The following ADK variants were observed in gnomAD, a reference collection of about 807,000 sequenced individuals.
ADK encodes the protein N6,N6-dimethyladenosine kinase.
Under a neutral mutation model 44.7 loss-of-function variants are expected in ADK, and 24 were observed. The observed-to-expected ratio is 0.54, with a 90% confidence interval of 0.39 to 0.76. The LOEUF is 0.76. Ranked by LOEUF, ADK falls within the 30% of genes least tolerant of loss-of-function variation. The pLI is 0.00. For synonymous variants in ADK, 128 were observed against 142.6 expected (o/e 0.90, Z 0.73); for missense variants, 321 against 425.1 (o/e 0.76, Z 2.15).
intron 9 of ADK, among the ~76,000 whole-genome samples, chr10:74,667,808 C>T (rs1417778328): frequency 6.6e-6 from 1 of 151,960 alleles, no homozygotes; most frequent in South Asian, 2.1e-4. Context: ...GCTAGGATTA[C>T]AGATGTGAGC....
intron 7 of ADK, among the ~76,000 whole-genome samples, chr10:74,540,263 G>A (rs1849581657): frequency 6.6e-6 from 1 of 152,072 alleles, no homozygotes; most frequent in South Asian, 2.1e-4. Context: ...GAAATAGTTT[G>A]AATTACTACG....
intron 4 of ADK, chr10:74,372,087 G>C: frequency 1.3e-6 from 1 of 753,614 alleles, no homozygotes; most frequent in Non-Finnish European, 2.4e-6. Flanking sequence ...AGGTTTGCGC[G>C]CGTGTGGCAC....
intron 4 of ADK, among the ~76,000 whole-genome samples, chr10:74,361,631 G>A (rs532805404): frequency 1.7e-4 from 26 of 152,080 alleles, no homozygotes; most frequent in East Asian, 5.8e-4. Context: ...TCTTTTAGTC[G>A]TCTTACTACA....
intron 3 of ADK, among the ~76,000 whole-genome samples, chr10:74,295,982 A>T (rs1839797142): frequency 6.6e-6 from 1 of 150,560 alleles, no homozygotes; most frequent in South Asian, 2.1e-4. Context: ...CATCAATTTT[A>T]TTAGCGTTTC....
intron 2 of ADK, 76 bp downstream of exon 2, chr10:74,200,914 A>G (rs905338782): frequency 1.0e-6 from 1 of 996,224 alleles, no homozygotes; most frequent in African/African-American, 1.6e-5. Context: ...TTAGAAGTGA[A>G]TTTACCACCG....
chr10:74,322,498 A>G (rs1476458861), intron 4 of ADK, among the ~76,000 whole-genome samples: 1 of 152,188 alleles, frequency 6.6e-6, no homozygotes, highest in Non-Finnish European at 1.5e-5. Context: ...TAAAGTTTAA[A>G]TATGAATTAA....
At chr10:74,292,655 T>A (rs972134172) in intron 3 of ADK, among the ~76,000 whole-genome samples, 6 of 152,216 alleles carry the variant, frequency 3.9e-5, no homozygotes, top group African/African-American at 1.2e-4. Flanking sequence ...GATAAAAACC[T>A]GAGACTCATT....
chr10:74,172,728 G>A (rs1842201789), intron 1 of ADK, among the ~76,000 whole-genome samples: 1 of 146,422 alleles, frequency 6.8e-6, no homozygotes, highest in Non-Finnish European at 1.5e-5. Flanking sequence ...ACGAGGTCAG[G>A]ATATCAAGAC....
At chr10:74,648,179 A>G (rs1424146649) in intron 9 of ADK, among the ~76,000 whole-genome samples, 1 of 152,152 alleles carries the variant, frequency 6.6e-6, no homozygotes, top group Non-Finnish European at 1.5e-5. Flanking sequence ...AAATTAAGAC[A>G]TTTCCAGATA....
chr10:74,695,549 A>G (rs1230175769), intron 10 of ADK, among the ~76,000 whole-genome samples: 2 of 150,568 alleles, frequency 1.3e-5, no homozygotes, highest in African/African-American at 4.9e-5. Context: ...TATATTCTAT[A>G]TACAAAGCTG....
At chr10:74,411,520 A>G (rs1390991215) in intron 6 of ADK, among the ~76,000 whole-genome samples, 2 of 152,260 alleles carry the variant, frequency 1.3e-5, no homozygotes, top group Non-Finnish European at 2.9e-5. Flanking sequence ...TTACATCTTT[A>G]AAAATAAACA....
intron 6 of ADK, among the ~76,000 whole-genome samples, chr10:74,427,346 C>T (rs1243378400): frequency 6.6e-6 from 1 of 151,974 alleles, no homozygotes; most frequent in Non-Finnish European, 1.5e-5. Context: ...CTATAGGTGC[C>T]CACCACCACG....
At chr10:74,333,648 A>G (rs1251038158) in intron 4 of ADK, among the ~76,000 whole-genome samples, 1 of 152,212 alleles carries the variant, frequency 6.6e-6, no homozygotes, top group African/African-American at 2.4e-5. Flanking sequence ...CTGAAAGGCA[A>G]CAGTAAGCTA....
chr10:74,544,525 A>G (rs1253927752), intron 7 of ADK, among the ~76,000 whole-genome samples: 1 of 152,216 alleles, frequency 6.6e-6, no homozygotes, highest in Non-Finnish European at 1.5e-5. Flanking sequence ...GTGCAGAATC[A>G]TGTGATATAA....
intron 9 of ADK, among the ~76,000 whole-genome samples, chr10:74,660,336 T>C (rs1462924037): frequency 6.6e-6 from 1 of 152,118 alleles, no homozygotes; most frequent in East Asian, 1.9e-4. Flanking sequence ...TTCGCCATGC[T>C]ACCCAGGCTG....
At chr10:74,571,473 A>T (rs1490484398) in intron 7 of ADK, among the ~76,000 whole-genome samples, 1 of 152,178 alleles carries the variant, frequency 6.6e-6, no homozygotes, top group East Asian at 1.9e-4. Context: ...AGAGCCTGTT[A>T]TTCGTCTATT....
At chr10:74,259,753 G>A (rs1319330041) in intron 3 of ADK, among the ~76,000 whole-genome samples, 1 of 151,858 alleles carries the variant, frequency 6.6e-6, no homozygotes, top group African/African-American at 2.4e-5. Context: ...CACCCTGCCC[G>A]GCCCATTTTT....
intron 4 of ADK, among the ~76,000 whole-genome samples, chr10:74,392,539 A>G (rs922030455): frequency 2.0e-5 from 3 of 152,102 alleles, no homozygotes; most frequent in Non-Finnish European, 4.4e-5. Context: ...GAAGTTTGTT[A>G]TATATTCTGG....
At chr10:74,200,883 G>A in intron 2 of ADK, 45 bp downstream of exon 2, 1 of 1,240,358 alleles carries the variant, frequency 8.1e-7, no homozygotes. Context: ...ACTTACATTT[G>A]AAGAAGAATG....
Sources: gnomAD v4.1 joint callset for allele counts (sites outside exome capture counted in the v4.1 genomes callset) on GRCh38, gnomAD v4.1.1 for gene constraint, MANE v1.5 for transcripts, NCBI Gene and HGNC (gene_info 2026-07-23, HGNC 2026-07-21) for gene names.